PTPRU: variants seen among roughly 807,000 people sequenced by gnomAD.
The protein encoded by PTPRU is protein tyrosine phosphatase receptor type U.
Under a neutral mutation model 166.3 loss-of-function variants are expected in PTPRU, and 69 were observed. That is an observed-to-expected ratio of 0.41 (90% CI 0.34 to 0.51). The LOEUF is 0.51. PTPRU is among the 20% of genes least tolerant of loss of function. The probability of loss-of-function intolerance (pLI) is 0.09; values close to 1 mark genes in which losing one functional copy is unlikely to be tolerated. For missense variants in PTPRU, 1,657 were observed against 2,013.7 expected, an observed-to-expected ratio of 0.82 and a Z score of 3.39; for synonymous variants, 793 against 814.0, an observed-to-expected ratio of 0.97 and a Z score of 0.44.
At chr1:29,310,244 C>T (rs1249230508) in intron 18 of PTPRU, among the ~76,000 whole-genome samples, 1 of 152,156 alleles carries the variant, frequency 6.6e-6, no homozygotes, top group African/African-American at 2.4e-5. Context: ...TCTAGGCCCC[C>T]CACGCTCTGA....
At chr1:29,323,934 C>A in intron 28 of PTPRU, 146 bp downstream of exon 28, 2 of 1,075,848 alleles carry the variant, frequency 1.9e-6, no homozygotes, top group Non-Finnish European at 2.6e-6. Context: ...CAGGATGCTG[C>A]CCAACCAGCC....
chr1:29,245,691 T>C (rs1402896757), intron 1 of PTPRU, among the ~76,000 whole-genome samples: 4 of 152,068 alleles, frequency 2.6e-5, no homozygotes, highest in South Asian at 4.1e-4. Context: ...GGTCCTGCCA[T>C]GTGTGTGTCT....
chr1:29,310,713 G>A, intron 18 of PTPRU, 31 bp from the exon 19 acceptor site: 1 of 1,607,536 alleles, frequency 6.2e-7, no homozygotes, highest in East Asian at 2.2e-5. Context: ...TACTCCCTGG[G>A]GTCTAACCGT....
At chr1:29,294,965 T>C (rs189620865) in intron 15 of PTPRU, among the ~76,000 whole-genome samples, 269 of 143,942 alleles carry the variant, frequency 1.9e-3, no homozygotes, top group Non-Finnish European at 3.0e-3. Flanking sequence ...ATTTAAGTCT[T>C]GATATCTGAA....
At chr1:29,289,753 T>C (rs1353112988) in intron 14 of PTPRU, 1 of 1,605,964 alleles carries the variant, frequency 6.2e-7, no homozygotes, top group Admixed American at 1.7e-5. Flanking sequence ...CGGCCCTGCC[T>C]AGGGGGAGAT....
chr1:29,279,493 T>C lies in PTPRU; in HGVS notation c.1601T>C (p.Val534Ala). Residue 534 changes from valine to alanine, a missense_variant, in exon 10 of 30, where the codon GTG (valine) becomes GCG (alanine). This residue lies in a region of PTPRU where 1,190 missense variants were observed against 1,477.4 expected (regional missense o/e 0.81). Coordinates refer to ENST00000373779, the MANE Select transcript of PTPRU (RefSeq NM_133178.4). This position sits in a 1 kb window ranked among gnomAD's most constrained non-coding sequence, Gnocchi z 5.2. ...YQSIESSDPA[V>A]NVPGPRRTIS... ...AGCATCGAGTCATCAGACCCGGCAG[T>C]GAACGTGCCAGGCCCACGACGTACC... 1.2e-6 allele frequency: 2 copies of C among 1,614,142 alleles called. No individual in the cohort carries two copies. The highest frequency in any genetic ancestry group is 4.5e-5 in the East Asian group (2 of 44,872).
chr1:29,308,657 A>G (rs1298198759), intron 18 of PTPRU, among the ~76,000 whole-genome samples: 1 of 150,930 alleles, frequency 6.6e-6, no homozygotes, highest in Non-Finnish European at 1.5e-5. Flanking sequence ...CTGTTTTCAT[A>G]ATATTTAATG....
rs145486321 is a variant in PTPRU, at chr1:29,258,905, G to A, written c.477+129G>A. On this transcript the variant is annotated intron_variant, in intron 3 of 29. Coordinates refer to ENST00000373779, the MANE Select transcript of PTPRU (RefSeq NM_133178.4). Reference sequence around the variant, plus strand: ...CATTCAGTATCAGAGGCAACCTGTGGTCAAGGCCAGGGGTCAGTCTGGGGC... The same window carrying A: ...CATTCAGTATCAGAGGCAACCTGTGATCAAGGCCAGGGGTCAGTCTGGGGC... 1.8e-4 allele frequency: 247 copies of A among 1,362,556 alleles called. 1 individual carries two copies. The African/African-American group carries it at 3.0e-3, about 17-fold the overall frequency. 84.4% of individuals were successfully genotyped at this position (1,362,556 alleles called of 1,614,324 possible). A position where few individuals can be genotyped will look rare whatever the true frequency, so the allele number is the denominator to read the frequency against.
In PTPRU at chr1:29,280,649, CTGTG is replaced by C. The variant is rs140481299; in HGVS notation, c.1868+536_1868+539del. On this transcript the variant is annotated intron_variant, in intron 11 of 29. Coordinates refer to ENST00000373779, the MANE Select transcript of PTPRU (RefSeq NM_133178.4). The surrounding 1 kb of genome is among the most constrained non-coding windows in gnomAD (Gnocchi z 4.2). ...TGGGGAGAGGGTGCTGGAGACAAGACTGTGTGTGTGTGTGTGTGTGTGTGTGTGT... is the reference window on the plus strand; with the variant it reads ...TGGGGAGAGGGTGCTGGAGACAAGACTGTGTGTGTGTGTGTGTGTGTGTGT... Among the ~76,000 whole-genome samples, 6,588 of 144,022 alleles carry C rather than the reference CTGTG, an allele frequency of 0.046. 262 individuals are homozygous for C. The highest frequency in any genetic ancestry group is 0.12 in the African/African-American group (4,505 of 39,138). The allele number at this position is 144,022 out of a possible 152,430, so 94.5% of individuals were successfully genotyped here. A position where few individuals can be genotyped will look rare whatever the true frequency, so the allele number is the denominator to read the frequency against.
Position 29,277,943 on chromosome 1 carries a change from C to T in PTPRU, c.1454-1069C>T, listed in dbSNP as rs936103403. ...CAGCGATTCTCCCACCTCAGCCTGT[C>T]GAGTAACTGGGATTATAGGCACCTA... is the stretch of plus-strand genomic sequence containing the variant. On this transcript the variant is annotated intron_variant, in intron 8 of 29. Transcript: ENST00000373779. 3.3e-5 allele frequency among the ~76,000 whole-genome samples: 5 copies of T among 149,706 alleles called. No individual in the cohort carries two copies. In the East Asian group the frequency reaches 1.0e-3, roughly 30 times the overall value.
chr1:29,236,864 C>T lies in PTPRU; in HGVS notation c.73+147C>T, dbSNP rs1287338572. ...GAGCGTAGGATGGGCGATTGTGTGC[C>T]CGGGGTGTTGCGTGACTGCGAATGT... On this transcript the variant is annotated intron_variant, in intron 1 of 29. Transcript: ENST00000373779. The surrounding 1 kb of genome is among the most constrained non-coding windows in gnomAD (Gnocchi z 4.6). The T allele has an allele frequency of 2.6e-6, 2 of 783,448 alleles. No individual in the cohort carries two copies. The highest frequency in any genetic ancestry group is 3.7e-5 in the African/African-American group (2 of 54,566). 48.5% of individuals were successfully genotyped at this position (783,448 alleles called of 1,614,324 possible). A position where few individuals can be genotyped will look rare whatever the true frequency, so the allele number is the denominator to read the frequency against.
At chr1:29,300,178 G>A (rs997732025) in intron 15 of PTPRU, among the ~76,000 whole-genome samples, 3 of 152,048 alleles carry the variant, frequency 2.0e-5, no homozygotes, top group East Asian at 3.9e-4. Flanking sequence ...ACATCCCCAC[G>A]GTCACATACA....
chr1:29,259,399 T>A, intron 4 of PTPRU, 50 bp from the exon 5 acceptor site: 1 of 1,608,274 alleles, frequency 6.2e-7, no homozygotes, highest in Non-Finnish European at 8.5e-7. Flanking sequence ...CCGCGGCTCC[T>A]GCCTGCAGGG....
intron 29 of PTPRU, 118 bp from the exon 30 acceptor site, chr1:29,325,481 C>T: frequency 6.6e-7 from 1 of 1,507,758 alleles, no homozygotes; most frequent in Non-Finnish European, 9.2e-7. Context: ...CTCCCTTCTC[C>T]CCGAGGGCGG....
In PTPRU at chr1:29,279,790, A is replaced by C. The variant is rs1685978276; in HGVS notation, c.1765+133A>C. The C allele has an allele frequency of 8.8e-7, 1 of 1,141,492 alleles. No individual in the cohort carries two copies. Among genetic ancestry groups the C allele is most frequent in the Non-Finnish European group, 1.3e-6 (1 of 797,830 alleles). 70.7% of individuals were successfully genotyped at this position (1,141,492 alleles called of 1,614,324 possible). A position where few individuals can be genotyped will look rare whatever the true frequency, so the allele number is the denominator to read the frequency against. Reference sequence around the variant, plus strand: ...CCCTGCTGAGATAAATATGCCATTTAGGAGTTAAAGTCAGGCTCAGGGAGG... The same window carrying C: ...CCCTGCTGAGATAAATATGCCATTTCGGAGTTAAAGTCAGGCTCAGGGAGG... On this transcript the variant is annotated intron_variant, in intron 10 of 29. Transcript: ENST00000373779. This position sits in a 1 kb window ranked among gnomAD's most constrained non-coding sequence, Gnocchi z 5.2.
At chr1:29,325,352 C>T in intron 29 of PTPRU, 26 bp downstream of exon 29, 1 of 1,611,978 alleles carries the variant, frequency 6.2e-7, no homozygotes, top group Non-Finnish European at 8.5e-7. Flanking sequence ...CCGTGCCCAG[C>T]CACTTCCACC....
chr1:29,272,831 G>C (rs532175733), intron 7 of PTPRU, among the ~76,000 whole-genome samples: 56 of 150,760 alleles, frequency 3.7e-4, no homozygotes, highest in African/African-American at 1.2e-3. Context: ...CACTTGAGCC[G>C]GGGAGATCAA....
Position 29,311,295 on chromosome 1 carries a change from G to A in PTPRU, c.2858-161G>A, listed in dbSNP as rs1687643906. 1 of 664,118 alleles carries A rather than the reference G, an allele frequency of 1.5e-6. No homozygotes were observed. Among genetic ancestry groups the A allele is most frequent in the Non-Finnish European group, 2.6e-6 (1 of 386,474 alleles). The allele number at this position is 664,118 out of a possible 1,614,324, so 41.1% of individuals were successfully genotyped here. ...GCTACCCAACCTCAGGGCCCTACAG[G>A]CATGCGTCAGCTGCAAGCTGGGTGT... On this transcript the variant is annotated intron_variant, in intron 19 of 29. Transcript: ENST00000373779. This position sits in a 1 kb window ranked among gnomAD's most constrained non-coding sequence, Gnocchi z 4.1.
intron 1 of PTPRU, among the ~76,000 whole-genome samples, chr1:29,253,732 C>T (rs187410954): frequency 9.2e-5 from 14 of 152,036 alleles, no homozygotes; most frequent in Admixed American, 2.6e-4. Flanking sequence ...CAGGTCTGCT[C>T]CTTCTGGTAT....
Sources: allele counts gnomAD v4.1 joint callset (sites outside exome capture counted in the v4.1 genomes callset), GRCh38; gene constraint gnomAD v4.1.1; regional missense constraint gnomAD v4.1.1; non-coding constraint Gnocchi (gnomAD v3.1); transcripts MANE v1.5; gene names NCBI Gene and HGNC (gene_info 2026-07-23, HGNC 2026-07-21).